The following PELI2 variants were observed in gnomAD, a reference collection of about 807,000 sequenced individuals.
The protein encoded by PELI2 is pellino E3 ubiquitin protein ligase family member 2, also known as E3 ubiquitin-protein ligase pellino homolog 2.
In PELI2, 23 loss-of-function variants were observed where a neutral mutation model predicts 42.3. That is an observed-to-expected ratio of 0.54 (90% CI 0.39 to 0.77). The LOEUF is 0.77. Ranked by LOEUF, PELI2 falls within the 30% of genes least tolerant of loss-of-function variation. PELI2 has a pLI of 0.00. For synonymous variants in PELI2, 245 were observed against 212.2 expected (o/e 1.15, Z -1.34); for missense variants, 463 against 553.2 (o/e 0.84, Z 1.64).
intron 2 of PELI2, among the ~76,000 whole-genome samples, chr14:56,275,179 A>G (rs1298347427): frequency 6.6e-6 from 1 of 152,194 alleles, no homozygotes; most frequent in Non-Finnish European, 1.5e-5. Flanking sequence ...AGGCACATGC[A>G]GTGTTATGAG....
intron 2 of PELI2, among the ~76,000 whole-genome samples, chr14:56,208,570 G>A (rs190557934): frequency 3.1e-4 from 47 of 152,256 alleles, no homozygotes; most frequent in African/African-American, 1.1e-3. Context: ...GCTCCAAACC[G>A]TAGTCATTTT....
chr14:56,288,436 G>C lies in PELI2; in HGVS notation c.310-1G>C. ...ATCACGAGTACATTTGATTTACTTAGGTGGGCAGATCAACAGAAAGCCCTA... is the reference window on the plus strand; with the variant it reads ...ATCACGAGTACATTTGATTTACTTACGTGGGCAGATCAACAGAAAGCCCTA... On this transcript the variant is annotated splice_acceptor_variant, in intron 3 of 5. Transcript: ENST00000267460. LOFTEE classifies it high-confidence loss of function. This position sits in a 1 kb window ranked among gnomAD's most constrained non-coding sequence, Gnocchi z 4.6. 1 of 1,612,292 alleles carries C rather than the reference G, an allele frequency of 6.2e-7. No homozygotes were observed. The highest frequency in any genetic ancestry group is 8.5e-7 in the Non-Finnish European group (1 of 1,178,590).
chr14:56,135,345 G>C (rs1226812198), intron 1 of PELI2, among the ~76,000 whole-genome samples: 6 of 152,184 alleles, frequency 3.9e-5, no homozygotes, highest in African/African-American at 1.4e-4. Flanking sequence ...ATTATAATAA[G>C]AGACTGTCTT....
At chr14:56,135,977 G>A (rs1371761188) in intron 1 of PELI2, among the ~76,000 whole-genome samples, 1 of 152,120 alleles carries the variant, frequency 6.6e-6, no homozygotes, top group African/African-American at 2.4e-5. Context: ...TTCTTTGATG[G>A]ATGAGGCTTA....
In PELI2 at chr14:56,267,682, C is replaced by T. The variant is rs183460717; in HGVS notation, c.208-11994C>T. ...TGGCCTTATTGATCTGGTTTTATTC[C>T]ATAAAGAAAATGAGATTCTTCAGCA... On this transcript the variant is annotated intron_variant, in intron 2 of 5. Transcript: ENST00000267460. Among the ~76,000 whole-genome samples the T allele has an allele frequency of 2.1e-4, 32 of 152,022 alleles. No individual in the cohort carries two copies. In the East Asian group the frequency reaches 6.2e-3, roughly 29 times the overall value.
chr14:56,286,879 C>G (rs998301677), intron 3 of PELI2, among the ~76,000 whole-genome samples: 1 of 152,098 alleles, frequency 6.6e-6, no homozygotes, highest in Non-Finnish European at 1.5e-5. Flanking sequence ...TATGACCGAT[C>G]AAGATAAGTG....
At chr14:56,176,240 C>T (rs139037813) in intron 1 of PELI2, among the ~76,000 whole-genome samples, 1 of 152,212 alleles carries the variant, frequency 6.6e-6, no homozygotes, top group Admixed American at 6.5e-5. Context: ...GTCTGCTGCA[C>T]TCTTACGAGG....
In PELI2 at chr14:56,284,992, C is replaced by A. The variant is rs560481461; in HGVS notation, c.310-3445C>A. On this transcript the variant is annotated intron_variant, in intron 3 of 5. Transcript: ENST00000267460. ...CAGGTAGAGGCTGAGACAGGTAGGA[C>A]CTTCAGGCCAGGTTGAGTCTGAGAT... Among the ~76,000 whole-genome samples the A allele has an allele frequency of 5.9e-5, 9 of 152,304 alleles. No individual in the cohort carries two copies. The East Asian group carries it at 1.7e-3, about 29-fold the overall frequency.
rs114592283 is a variant in PELI2 at position 56,179,492 on chromosome 14, C to T, written c.207+1028C>T. On this transcript the variant is annotated intron_variant, in intron 2 of 5. Transcript: ENST00000267460. ...ATTTGTTAGGAGGTGCCAATTGAAG[C>T]GATCTTGTATTAATGAGGGATGAGT... 1.3e-3 allele frequency among the ~76,000 whole-genome samples: 195 copies of T among 152,124 alleles called. 2 individuals carry two copies. Among genetic ancestry groups the T allele is most frequent in the African/African-American group, 4.2e-3 (173 of 41,462 alleles).
At chr14:56,163,059 A>G (rs569648302) in intron 1 of PELI2, among the ~76,000 whole-genome samples, 2 of 151,990 alleles carry the variant, frequency 1.3e-5, no homozygotes, top group East Asian at 1.9e-4. Context: ...TATTGATTGT[A>G]TCCTTTGCTG....
chr14:56,217,624 C>T (rs1237892111), intron 2 of PELI2, among the ~76,000 whole-genome samples: 1 of 152,216 alleles, frequency 6.6e-6, no homozygotes, highest in Non-Finnish European at 1.5e-5. Context: ...ACATTTGATA[C>T]CCTTTCATTC....
At chr14:56,279,493 A>G (rs1889402915) in intron 2 of PELI2, among the ~76,000 whole-genome samples, 183 bp from the exon 3 acceptor site, 1 of 152,360 alleles carries the variant, frequency 6.6e-6, no homozygotes. Context: ...TGATAAAACC[A>G]GAATTGTGAC....
At chr14:56,296,526 T>C in intron 5 of PELI2, 74 bp from the exon 6 acceptor site, 1 of 1,040,184 alleles carries the variant, frequency 9.6e-7, no homozygotes, top group Non-Finnish European at 1.4e-6. Flanking sequence ...TTTTGCTTGT[T>C]CTGAGAGGAA....
chr14:56,169,939 G>A (rs575938338), intron 1 of PELI2, among the ~76,000 whole-genome samples: 2 of 152,310 alleles, frequency 1.3e-5, no homozygotes, highest in Admixed American at 1.3e-4. Flanking sequence ...GCGCTTATTG[G>A]CATATGGGCA....
At chr14:56,126,311 A>G (rs1019820839) in intron 1 of PELI2, among the ~76,000 whole-genome samples, 2 of 152,184 alleles carry the variant, frequency 1.3e-5, no homozygotes, top group East Asian at 1.9e-4. Flanking sequence ...CAGACCTAAT[A>G]AATATGCATC....
Position 56,243,659 on chromosome 14 carries a change from G to T in PELI2, c.208-36017G>T, listed in dbSNP as rs184497449. On this transcript the variant is annotated intron_variant, in intron 2 of 5. Transcript: ENST00000267460. ...TTTGCATTTTTGGGTCATTATTATT[G>T]TGTTGTTTTCTTTATCCAGTTCACA... Among the ~76,000 whole-genome samples, 16 of 152,144 alleles carry T rather than the reference G, an allele frequency of 1.1e-4. No individual in the cohort carries two copies. The East Asian group carries it at 2.7e-3, about 26-fold the overall frequency.
chr14:56,162,578 T>G (rs1009477971), intron 1 of PELI2, among the ~76,000 whole-genome samples: 3 of 152,242 alleles, frequency 2.0e-5, no homozygotes, highest in African/African-American at 7.2e-5. Flanking sequence ...AACATAGGAA[T>G]GCAGATATCT....
intron 2 of PELI2, among the ~76,000 whole-genome samples, chr14:56,183,660 A>T (rs1042081383): frequency 6.6e-6 from 1 of 152,194 alleles, no homozygotes; most frequent in Admixed American, 6.5e-5. Context: ...CATTATTGAC[A>T]TGGCTCCAAC....
intron 2 of PELI2, among the ~76,000 whole-genome samples, chr14:56,260,483 G>A (rs1266840873): frequency 6.6e-6 from 1 of 152,178 alleles, no homozygotes; most frequent in Non-Finnish European, 1.5e-5. Flanking sequence ...CAGTTTCAGG[G>A]ATTGGCTGCA....
Sources: allele counts gnomAD v4.1 joint callset (sites outside exome capture counted in the v4.1 genomes callset), GRCh38; gene constraint gnomAD v4.1.1; non-coding constraint Gnocchi (gnomAD v3.1); transcripts MANE v1.5; gene names NCBI Gene and HGNC (gene_info 2026-07-23, HGNC 2026-07-21).